The following RIT2 variants were observed in gnomAD, a reference collection of about 807,000 sequenced individuals.
RIT2 encodes the protein Ras like without CAAX 2.
Under a neutral mutation model 23.7 loss-of-function variants are expected in RIT2, and 24 were observed. The ratio of observed to expected loss-of-function variants is 1.01; its 90% CI spans 0.73 to 1.43. The LOEUF (loss-of-function observed/expected upper bound fraction) is 1.43. RIT2 is among the 40% of genes most tolerant of loss of function. The pLI is 0.00. For synonymous variants in RIT2, 107 were observed against 91.1 expected (o/e 1.17, Z -0.99); for missense variants, 236 against 266.9 (o/e 0.88, Z 0.81).
intron 4 of RIT2, among the ~76,000 whole-genome samples, chr18:42,801,929 T>TG (rs1217655916): frequency 6.6e-6 from 1 of 152,240 alleles, no homozygotes; most frequent in Non-Finnish European, 1.5e-5. Flanking sequence ...ACTGGGCTTC[T>TG]GCTCAATGTC....
intron 2 of RIT2, among the ~76,000 whole-genome samples, chr18:42,981,191 A>G (rs1910589963): frequency 1.3e-5 from 2 of 152,148 alleles, no homozygotes; most frequent in Admixed American, 1.3e-4. Flanking sequence ...AGCACCTGGC[A>G]TCTCTTGGTC....
Position 42,995,007 on chromosome 18 carries a change from G to T in RIT2, c.161-20860C>A, listed in dbSNP as rs552859949. Among the ~76,000 whole-genome samples, 11 of 152,074 alleles carry T rather than the reference G, an allele frequency of 7.2e-5. No homozygotes were observed. The South Asian group carries it at 2.1e-3, about 29-fold the overall frequency. On this transcript the variant is annotated intron_variant, in intron 2 of 4. Coordinates refer to ENST00000326695, the MANE Select transcript of RIT2 (RefSeq NM_002930.4). ...GATACTACACCTGACCCTCACGACT[G>T]CATCTCTCTGATCCACCTGATGTTC...
At chr18:42,843,885 T>C (rs1906834548) in intron 4 of RIT2, among the ~76,000 whole-genome samples, 1 of 152,166 alleles carries the variant, frequency 6.6e-6, no homozygotes, top group African/African-American at 2.4e-5. Context: ...TTAAAGGTTA[T>C]TTTGGTGAAG....
At chr18:43,057,798 C>CTTTTTGTTTTTTTTT (rs1912542170) in intron 1 of RIT2, among the ~76,000 whole-genome samples, 1 of 122,674 alleles carries the variant, frequency 8.2e-6, no homozygotes, top group South Asian at 2.8e-4. Flanking sequence ...GTGATGGACA[C>CTTTTTGTTTTTTTTT]TTTTTTTTTT....
intron 4 of RIT2, among the ~76,000 whole-genome samples, chr18:42,902,688 T>C (rs947274311): frequency 5.9e-5 from 9 of 151,648 alleles, no homozygotes; most frequent in African/African-American, 1.9e-4. Context: ...AAAATAAATA[T>C]GTTTGTGGAA....
chr18:42,806,100 A>AATATATATATATATAT (rs58214096), intron 4 of RIT2, among the ~76,000 whole-genome samples: 10 of 140,028 alleles, frequency 7.1e-5, no homozygotes, highest in African/African-American at 2.3e-4. Context: ...TAATAAAATT[A>AATATATATATATATAT]ATATATATAT....
intron 4 of RIT2, among the ~76,000 whole-genome samples, chr18:42,865,796 A>C (rs73471624): frequency 0.13 from 19,886 of 152,160 alleles, 1,347 homozygotes; most frequent in Middle Eastern, 0.26. Flanking sequence ...ATTCCCCATG[A>C]AACTACAATA....
At chr18:42,990,006 G>A (rs1326391237) in intron 2 of RIT2, among the ~76,000 whole-genome samples, 1 of 80,500 alleles carries the variant, frequency 1.2e-5, no homozygotes, top group Non-Finnish European at 2.7e-5. Context: ...TGTATTTACA[G>A]ATATGTGTGT....
chr18:42,762,864 A>T (rs938139206), intron 4 of RIT2, among the ~76,000 whole-genome samples: 2 of 152,204 alleles, frequency 1.3e-5, no homozygotes, highest in African/African-American at 4.8e-5. Context: ...TACTAAATTC[A>T]AATCATTCAG....
chr18:42,955,498 A>G (rs1246691817), intron 3 of RIT2, among the ~76,000 whole-genome samples: 2 of 152,146 alleles, frequency 1.3e-5, no homozygotes, highest in African/African-American at 4.8e-5. Context: ...TCAGGTTAGG[A>G]CTTAAAAGGG....
chr18:43,041,153 G>A (rs1423361872), intron 1 of RIT2, among the ~76,000 whole-genome samples: 1 of 152,106 alleles, frequency 6.6e-6, no homozygotes, highest in Non-Finnish European at 1.5e-5. Context: ...AACAATAGGA[G>A]GCTTTTTCTA....
rs146299734 is a variant in RIT2, at chr18:42,916,949, G to C, written c.426+6623C>G. On this transcript the variant is annotated intron_variant, in intron 4 of 4. Coordinates refer to ENST00000326695, the MANE Select transcript of RIT2 (RefSeq NM_002930.4). ...ACAGAGTCTTTACCAAACTAGTGGGGGCTCCCTAGCAAGATTTGCCTGTCA... is the reference window on the plus strand; with the variant it reads ...ACAGAGTCTTTACCAAACTAGTGGGCGCTCCCTAGCAAGATTTGCCTGTCA... 8.0e-3 allele frequency among the ~76,000 whole-genome samples: 1,224 copies of C among 152,162 alleles called. 19 individuals are homozygous for C. The highest frequency in any genetic ancestry group is 0.028 in the African/African-American group (1,165 of 41,512).
intron 4 of RIT2, among the ~76,000 whole-genome samples, chr18:42,823,106 G>A (rs979004903): frequency 1.3e-5 from 2 of 152,078 alleles, no homozygotes; most frequent in Non-Finnish European, 2.9e-5. Context: ...AATGTACTGA[G>A]AGCCTCAAAT....
chr18:42,746,467 A>G (rs932510345), intron 4 of RIT2, among the ~76,000 whole-genome samples: 9 of 152,272 alleles, frequency 5.9e-5, no homozygotes, highest in African/African-American at 2.2e-4. Flanking sequence ...TAGTTTAAAT[A>G]TCAAAGTAGA....
rs76349785 is a variant in RIT2, at chr18:42,822,568, G to A, written c.427-78848C>T. ...AAATCACTGCCCCAATCTGGCACAC[G>A]GGTTGAAAGCACACTAAATGGAGTG... is the stretch of plus-strand genomic sequence containing the variant. On this transcript the variant is annotated intron_variant, in intron 4 of 4. Coordinates refer to ENST00000326695, the MANE Select transcript of RIT2 (RefSeq NM_002930.4). Among the ~76,000 whole-genome samples the A allele has an allele frequency of 3.9e-3, 586 of 152,178 alleles. 3 individuals are homozygous for A. The highest frequency in any genetic ancestry group is 0.013 in the African/African-American group (560 of 41,524).
intron 4 of RIT2, among the ~76,000 whole-genome samples, chr18:42,876,007 ATCAACAGAT>A: frequency 6.6e-6 from 1 of 152,166 alleles, no homozygotes; most frequent in East Asian, 1.9e-4. Context: ...CTCCTAAAGC[ATCAACAGAT>A]TTTTTTATGG....
At chr18:42,966,093 A>T (rs1910217606) in intron 3 of RIT2, among the ~76,000 whole-genome samples, 1 of 152,054 alleles carries the variant, frequency 6.6e-6, no homozygotes, top group African/African-American at 2.4e-5. Context: ...TGACCTCCTG[A>T]AGCTCCTTCT....
At chr18:43,033,143 C>A (rs1037493368) in intron 2 of RIT2, among the ~76,000 whole-genome samples, 1 of 152,080 alleles carries the variant, frequency 6.6e-6, no homozygotes, top group South Asian at 2.1e-4. Flanking sequence ...CCAGCCAATT[C>A]TTTAAAGTAG....
intron 4 of RIT2, among the ~76,000 whole-genome samples, chr18:42,889,399 A>G (rs1908112621): frequency 6.6e-6 from 1 of 152,016 alleles, no homozygotes; most frequent in African/African-American, 2.4e-5. Context: ...TAGATGAATT[A>G]TATTATATAT....
Sources: gnomAD v4.1 joint callset for allele counts (sites outside exome capture counted in the v4.1 genomes callset) on GRCh38, gnomAD v4.1.1 for gene constraint, MANE v1.5 for transcripts, NCBI Gene and HGNC (gene_info 2026-07-23, HGNC 2026-07-21) for gene names.